ERBB4: variants seen among roughly 807,000 people sequenced by gnomAD.
The protein encoded by ERBB4 is erb-b2 receptor tyrosine kinase 4, also known as receptor tyrosine-protein kinase erbB-4.
In ERBB4, 42 loss-of-function variants were observed where a neutral mutation model predicts 158.0. The ratio of observed to expected loss-of-function variants is 0.27; its 90% CI spans 0.21 to 0.34. The LOEUF is 0.34. ERBB4 is among the 10% of genes least tolerant of loss of function. The pLI is 1.00. For missense variants in ERBB4, 1,333 were observed against 1,624.1 expected (o/e 0.82, Z 3.08); for synonymous variants, 583 against 558.7 (o/e 1.04, Z -0.61).
intron 1 of ERBB4, among the ~76,000 whole-genome samples, chr2:212,210,249 TG>T (rs2082893478): frequency 6.7e-6 from 1 of 150,036 alleles, no homozygotes; most frequent in East Asian, 1.9e-4. Context: ...GAATTTACCT[TG>T]TAAGTACAAT....
At chr2:211,841,321 G>T (rs1320476537) in intron 3 of ERBB4, among the ~76,000 whole-genome samples, 1 of 151,998 alleles carries the variant, frequency 6.6e-6, no homozygotes, top group Admixed American at 6.6e-5. Flanking sequence ...AGCTATTGAA[G>T]TCAAAATTAA....
intron 3 of ERBB4, among the ~76,000 whole-genome samples, chr2:211,838,294 G>A (rs1159184191): frequency 1.3e-5 from 2 of 151,950 alleles, no homozygotes; most frequent in Non-Finnish European, 2.9e-5. Flanking sequence ...AGTTATCCAA[G>A]CTCTTGACTT....
intron 5 of ERBB4, among the ~76,000 whole-genome samples, chr2:211,743,708 G>A (rs978869130): frequency 7.9e-5 from 12 of 152,122 alleles, no homozygotes; most frequent in African/African-American, 2.2e-4. Context: ...ACTTCACATA[G>A]CAGATAAGTT....
chr2:211,437,396 T>G (rs954817823), intron 20 of ERBB4, among the ~76,000 whole-genome samples: 18 of 152,198 alleles, frequency 1.2e-4, no homozygotes, highest in African/African-American at 4.3e-4. Flanking sequence ...TAGAATCAAC[T>G]CATATAAACT....
In ERBB4 at chr2:212,515,640, G is replaced by A. The variant is rs186413567; in HGVS notation, c.82+22809C>T. Reference sequence around the variant, plus strand: ...TAAAAAATAAAGAAAAGGTTCACTAGTATATTGATATTCAAATTATTCATT... The same window carrying A: ...TAAAAAATAAAGAAAAGGTTCACTAATATATTGATATTCAAATTATTCATT... On this transcript the variant is annotated intron_variant, in intron 1 of 27. Coordinates refer to ENST00000342788, the MANE Select transcript of ERBB4 (RefSeq NM_005235.3). Among the ~76,000 whole-genome samples the A allele has an allele frequency of 2.6e-5, 4 of 151,816 alleles. No homozygotes were observed. In the East Asian group the frequency reaches 7.7e-4, roughly 29 times the overall value.
intron 1 of ERBB4, among the ~76,000 whole-genome samples, chr2:212,283,040 G>A (rs2085818722): frequency 6.6e-6 from 1 of 151,562 alleles, no homozygotes; most frequent in African/African-American, 2.4e-5. Flanking sequence ...TTCCATGGCA[G>A]GGACAAAACA....
At chr2:211,945,578 G>A (rs1559158476) in intron 3 of ERBB4, among the ~76,000 whole-genome samples, 1 of 151,914 alleles carries the variant, frequency 6.6e-6, no homozygotes, top group Non-Finnish European at 1.5e-5. Flanking sequence ...CAGCTTCTAG[G>A]CAAAGTGAAT....
intron 20 of ERBB4, among the ~76,000 whole-genome samples, chr2:211,557,399 G>A (rs182369010): frequency 6.6e-6 from 1 of 152,086 alleles, no homozygotes; most frequent in East Asian, 1.9e-4. Flanking sequence ...CATCTATATG[G>A]AACTTAAACA....
intron 3 of ERBB4, among the ~76,000 whole-genome samples, chr2:211,931,451 A>G (rs1264276994): frequency 6.6e-6 from 1 of 151,970 alleles, no homozygotes; most frequent in Non-Finnish European, 1.5e-5. Flanking sequence ...ATGTGCTCAG[A>G]AAGCAAAACT....
intron 1 of ERBB4, among the ~76,000 whole-genome samples, chr2:212,217,643 C>G (rs115797527): frequency 6.6e-6 from 1 of 151,120 alleles, no homozygotes; most frequent in Non-Finnish European, 1.5e-5. Flanking sequence ...AATCTATTGT[C>G]ATCAGAACAC....
chr2:211,415,747 A>T (rs2063375390), intron 25 of ERBB4, among the ~76,000 whole-genome samples: 1 of 152,216 alleles, frequency 6.6e-6, no homozygotes, highest in Non-Finnish European at 1.5e-5. Flanking sequence ...ACTTACATTC[A>T]ATGACTTAGA....
At chr2:211,575,862 G>A (rs16846514) in intron 19 of ERBB4, among the ~76,000 whole-genome samples, 11,907 of 151,930 alleles carry the variant, frequency 0.078, 1,178 homozygotes, top group African/African-American at 0.23. Context: ...TGCTTATGTA[G>A]GATAATTTAT....
chr2:211,446,045 T>C (rs960269469), intron 20 of ERBB4, among the ~76,000 whole-genome samples: 3 of 152,202 alleles, frequency 2.0e-5, no homozygotes, highest in Admixed American at 6.5e-5. Flanking sequence ...GGGGAGCTAA[T>C]GTTTTCATAC....
chr2:211,424,412 T>TC, intron 22 of ERBB4, 111 bp from the exon 23 acceptor site: 3 of 677,142 alleles, frequency 4.4e-6, no homozygotes, highest in Non-Finnish European at 7.5e-6. Flanking sequence ...CAAACACCAA[T>TC]CAATTAAAAA....
chr2:211,727,217 A>G (rs2074296156), intron 5 of ERBB4, among the ~76,000 whole-genome samples: 1 of 152,186 alleles, frequency 6.6e-6, no homozygotes, highest in African/African-American at 2.4e-5. Flanking sequence ...CATTTTTAAG[A>G]TGGAGTTAGT....
chr2:212,015,431 A>G (rs2076507044), intron 2 of ERBB4, among the ~76,000 whole-genome samples: 1 of 152,076 alleles, frequency 6.6e-6, no homozygotes, highest in Admixed American at 6.6e-5. Context: ...AAGGCAAACA[A>G]GAAAAGTCTT....
chr2:211,953,333 T>C (rs1243650903), intron 2 of ERBB4, among the ~76,000 whole-genome samples: 3 of 151,916 alleles, frequency 2.0e-5, no homozygotes, highest in Non-Finnish European at 2.9e-5. Flanking sequence ...TGTATACCTA[T>C]GTAACAAAAC....
chr2:211,439,881 G>C (rs1312625453), intron 20 of ERBB4, among the ~76,000 whole-genome samples: 5 of 152,160 alleles, frequency 3.3e-5, no homozygotes, highest in Admixed American at 6.5e-5. Flanking sequence ...TAGAGAAGGG[G>C]AAGACCATTT....
At chr2:211,542,807 G>A (rs1191569791) in intron 20 of ERBB4, among the ~76,000 whole-genome samples, 2 of 151,858 alleles carry the variant, frequency 1.3e-5, no homozygotes, top group Non-Finnish European at 2.9e-5. Flanking sequence ...TCCCAGGAGT[G>A]ATTTCTTTGG....
Sources: allele counts gnomAD v4.1 joint callset (sites outside exome capture counted in the v4.1 genomes callset), GRCh38; gene constraint gnomAD v4.1.1; transcripts MANE v1.5; gene names NCBI Gene and HGNC (gene_info 2026-07-23, HGNC 2026-07-21).